The following NEMP2 variants were observed in gnomAD, a reference collection of about 807,000 sequenced individuals.
The protein encoded by NEMP2 is nuclear envelope integral membrane protein 2.
Under a neutral mutation model 54.2 loss-of-function variants are expected in NEMP2, and 53 were observed. The observed-to-expected ratio is 0.98, with a 90% CI of 0.78 to 1.23. The LOEUF is 1.23. Among genes scored for constraint, NEMP2 ranks in the 50% most tolerant of loss-of-function variants. NEMP2 has a pLI of 0.00. For missense variants in NEMP2, 455 were observed against 511.3 expected, an observed-to-expected ratio of 0.89 and a Z score of 1.06; for synonymous variants, 197 against 190.3, an observed-to-expected ratio of 1.04 and a Z score of -0.29.
the NEMP2 span, chr2:190,648,577 T>C: frequency 6.8e-6 from 1 of 147,134 alleles, no homozygotes; most frequent in Non-Finnish European, 1.5e-5. Context: ...TTGGCGGGTG[T>C]GCTCTTTGAA....
the NEMP2 span, among the ~76,000 whole-genome samples, chr2:190,646,337 G>T: frequency 6.6e-6 from 1 of 152,226 alleles, no homozygotes; most frequent in Non-Finnish European, 1.5e-5. Flanking sequence ...GGGCGTGGGA[G>T]TGGGAGAAGA....
the NEMP2 span, among the ~76,000 whole-genome samples, chr2:190,563,036 A>C: frequency 6.6e-6 from 1 of 152,246 alleles, no homozygotes; most frequent in African/African-American, 2.4e-5. This position sits in a 1 kb window ranked among gnomAD's most constrained non-coding sequence, Gnocchi z 4.3. Context: ...AATTTTATAA[A>C]CACAAAATGA....
chr2:190,638,435 C>T, the NEMP2 span, among the ~76,000 whole-genome samples: 1 of 152,042 alleles, frequency 6.6e-6, no homozygotes, highest in Non-Finnish European at 1.5e-5. This position sits in a 1 kb window ranked among gnomAD's most constrained non-coding sequence, Gnocchi z 5.7. Context: ...CTGCTTGGTG[C>T]TCAGAGGATC....
the NEMP2 span, among the ~76,000 whole-genome samples, chr2:190,639,636 G>GTTTTTTTTTTTTTTTTTTTTTT: frequency 6.9e-6 from 1 of 143,966 alleles, no homozygotes; most frequent in African/African-American, 2.5e-5. Context: ...TTATTGTTGA[G>GTTTTTTTTTTTTTTTTTTTTTT]TTTTTTTTTT....
Position 190,510,909 on chromosome 2 carries a change from T to C in NEMP2, c.954-372A>G, listed in dbSNP as rs1363250810. ...AAAAAAAAAAAAAGATTTACAAAAA[T>C]ACATTTCTTAGATGGTAACAGTAAT... On this transcript the variant is annotated intron_variant, in intron 7 of 8. Transcript: ENST00000409150. The surrounding 1 kb of genome is among the most constrained non-coding windows in gnomAD (Gnocchi z 5.7). 1.3e-5 allele frequency among the ~76,000 whole-genome samples: 2 copies of C among 151,338 alleles called. No individual in the cohort carries two copies. Among genetic ancestry groups the C allele is most frequent in the African/African-American group, 4.9e-5 (2 of 41,176 alleles).
rs376966556 is a variant in NEMP2 at position 190,504,431 on chromosome 2, G to C, written c.*4758C>G. Reference sequence around the variant, plus strand: ...TACTATACATATTTACCTATATCTAGTAAGCTGTACAGTAAGGCATTCAAT... The same window carrying C: ...TACTATACATATTTACCTATATCTACTAAGCTGTACAGTAAGGCATTCAAT... On this transcript the variant is annotated 3_prime_UTR_variant, in exon 9 of 9. Coordinates refer to ENST00000409150, the MANE Select transcript of NEMP2 (RefSeq NM_001142645.2). This position sits in a 1 kb window ranked among gnomAD's most constrained non-coding sequence, Gnocchi z 5.6. 3.9e-5 allele frequency: 6 copies of C among 151,910 alleles called. No homozygotes were observed. The East Asian group carries it at 9.6e-4, about 24-fold the overall frequency. The allele number at this position is 151,910 out of a possible 1,614,324, so 9.4% of individuals were successfully genotyped here. A position where few individuals can be genotyped will look rare whatever the true frequency, so the allele number is the denominator to read the frequency against.
the NEMP2 span, among the ~76,000 whole-genome samples, chr2:190,425,518 T>C: frequency 1.3e-5 from 2 of 152,214 alleles, no homozygotes; most frequent in Non-Finnish European, 2.9e-5. This position sits in a 1 kb window ranked among gnomAD's most constrained non-coding sequence, Gnocchi z 4.3. Context: ...TGTTCTTAGT[T>C]TTCTGAGACT....
At chr2:190,489,610 G>A in the NEMP2 span, among the ~76,000 whole-genome samples, 1 of 152,188 alleles carries the variant, frequency 6.6e-6, no homozygotes, top group Non-Finnish European at 1.5e-5. The surrounding 1 kb of genome is among the most constrained non-coding windows in gnomAD (Gnocchi z 6.6). Context: ...ACCCAGCCCT[G>A]TGTTTTTCCA....
rs768145410 is a variant in NEMP2 at position 190,517,533 on chromosome 2, CTT to C, written c.597_598del (p.Arg200IlefsTer6). ...TAGTATGCCTACCTTCGGAATGAAT[CTT>C]TTCACCAACAGCAAGACAAAGACTA... On this transcript the variant is annotated frameshift_variant, in exon 5 of 9. Coordinates refer to ENST00000409150, the MANE Select transcript of NEMP2 (RefSeq NM_001142645.2). LOFTEE classifies it high-confidence loss of function. 6.5e-7 allele frequency: 1 copy of C among 1,549,344 alleles called. No homozygotes were observed. Among genetic ancestry groups the C allele is most frequent in the Admixed American group, 2.0e-5 (1 of 50,500 alleles).
At chr2:190,500,042 C>T, downstream of NEMP2, 7 of 1,614,166 alleles carry the variant, frequency 4.3e-6, no homozygotes, top group Non-Finnish European at 5.9e-6. This position sits in a 1 kb window ranked among gnomAD's most constrained non-coding sequence, Gnocchi z 5.3. Flanking sequence ...GGAAAATTCT[C>T]CTGCTGGTAG....
At chr2:190,577,735 T>C in the NEMP2 span, among the ~76,000 whole-genome samples, 1 of 152,090 alleles carries the variant, frequency 6.6e-6, no homozygotes, top group Non-Finnish European at 1.5e-5. This position sits in a 1 kb window ranked among gnomAD's most constrained non-coding sequence, Gnocchi z 4.8. Flanking sequence ...AAGCCGGGTG[T>C]GATGGCGCAT....
At chr2:190,615,793 T>C in the NEMP2 span, among the ~76,000 whole-genome samples, 1 of 152,172 alleles carries the variant, frequency 6.6e-6, no homozygotes, top group Non-Finnish European at 1.5e-5. The surrounding 1 kb of genome is among the most constrained non-coding windows in gnomAD (Gnocchi z 4.7). Flanking sequence ...AGTCCAAGCA[T>C]TTTAGGAGCC....
At chr2:190,447,461 G>A in the NEMP2 span, among the ~76,000 whole-genome samples, 1 of 152,076 alleles carries the variant, frequency 6.6e-6, no homozygotes, top group South Asian at 2.1e-4. The surrounding 1 kb of genome is among the most constrained non-coding windows in gnomAD (Gnocchi z 4.5). Flanking sequence ...CTAATATATG[G>A]AGGACACATA....
the NEMP2 span, among the ~76,000 whole-genome samples, chr2:190,475,361 G>C: frequency 6.6e-6 from 1 of 152,198 alleles, no homozygotes. Context: ...GGCAACTTCA[G>C]CAAAGTCTCA....
At chr2:190,601,298 C>T in the NEMP2 span, among the ~76,000 whole-genome samples, 3 of 152,182 alleles carry the variant, frequency 2.0e-5, no homozygotes, top group African/African-American at 7.2e-5. The surrounding 1 kb of genome is among the most constrained non-coding windows in gnomAD (Gnocchi z 5.8). Flanking sequence ...ATAGTGCCTT[C>T]GGAGGAAGCA....
chr2:190,502,425 C>T (rs1422964615), downstream of NEMP2: 1 of 152,224 alleles, frequency 6.6e-6, no homozygotes, highest in Non-Finnish European at 1.5e-5. This position sits in a 1 kb window ranked among gnomAD's most constrained non-coding sequence, Gnocchi z 4.4. Flanking sequence ...TACTCTTTCT[C>T]CTATGGTTGT....
At chr2:190,449,096 A>G in the NEMP2 span, among the ~76,000 whole-genome samples, 2 of 152,248 alleles carry the variant, frequency 1.3e-5, no homozygotes, top group Non-Finnish European at 2.9e-5. Flanking sequence ...ATAAATGATT[A>G]CAAGTCTATT....
At chr2:190,444,149 T>A in the NEMP2 span, among the ~76,000 whole-genome samples, 1 of 152,226 alleles carries the variant, frequency 6.6e-6, no homozygotes, top group Non-Finnish European at 1.5e-5. Context: ...AGGATATGTG[T>A]AAAAAAACTG....
At chr2:190,478,360 T>G in the NEMP2 span, among the ~76,000 whole-genome samples, 1 of 152,094 alleles carries the variant, frequency 6.6e-6, no homozygotes, top group African/African-American at 2.4e-5. Context: ...CAGAAGTGAG[T>G]GCTGAGTATT....
Sources: allele counts gnomAD v4.1 joint callset (sites outside exome capture counted in the v4.1 genomes callset), GRCh38; gene constraint gnomAD v4.1.1; non-coding constraint Gnocchi (gnomAD v3.1); transcripts MANE v1.5; gene names NCBI Gene and HGNC (gene_info 2026-07-23, HGNC 2026-07-21).